CDYL: variants seen among roughly 807,000 people sequenced by gnomAD.
CDYL encodes the protein chromodomain Y like.
Under a neutral mutation model 47.3 loss-of-function variants are expected in CDYL, and 8 were observed. That is an observed-to-expected ratio of 0.17 (90% CI 0.10 to 0.31). The LOEUF is 0.31. Among genes scored for constraint, CDYL ranks in the 10% least tolerant of loss-of-function variants. The pLI is 1.00. For synonymous variants in CDYL, 266 were observed against 265.0 expected, an observed-to-expected ratio of 1.00 and a Z score of -0.04; for missense variants, 471 against 701.4, an observed-to-expected ratio of 0.67 and a Z score of 3.71.
At chr6:4,864,486 G>T (rs557430641) in intron 1 of CDYL, among the ~76,000 whole-genome samples, 67 of 152,238 alleles carry the variant, frequency 4.4e-4, no homozygotes, top group African/African-American at 1.5e-3. Flanking sequence ...AATAACTTTA[G>T]ATTTTAATAG....
Position 4,892,159 on chromosome 6 carries a change from C to G in CDYL, c.471C>G (p.Gly157=). Residue 157 remains glycine, a synonymous_variant, in exon 2 of 7, where the codon GGC becomes GGG. Coordinates refer to ENST00000397588, the MANE Select transcript of CDYL (RefSeq NM_004824.4). ...SPVKSRTAVD[G]FQSESPEKLD... is the part of the protein sequence containing the mutation. The stretch of plus-strand genomic sequence containing the variant: ...TTAAGAGCAGGACCGCAGTGGACGG[C>G]TTTCAGAGCGAGAGCCCTGAGAAAC... 1 of 1,614,242 alleles carries G rather than the reference C, an allele frequency of 6.2e-7. No individual in the cohort carries two copies. Among genetic ancestry groups the G allele is most frequent in the Non-Finnish European group, 8.5e-7 (1 of 1,180,038 alleles).
At chr6:4,749,674 A>G (rs975018615) in intron 3 of CDYL, among the ~76,000 whole-genome samples, 6 of 152,254 alleles carry the variant, frequency 3.9e-5, no homozygotes, top group Non-Finnish European at 8.8e-5. Context: ...GATCTAATTA[A>G]TAAATGAGAT....
At chr6:4,807,056 C>G (rs1476595998) in intron 1 of CDYL, among the ~76,000 whole-genome samples, 3 of 152,196 alleles carry the variant, frequency 2.0e-5, no homozygotes, top group Non-Finnish European at 2.9e-5. Flanking sequence ...GCACCGGTGT[C>G]TGTGTGTGTC....
At chr6:4,884,995 T>C (rs1287308440) in intron 1 of CDYL, among the ~76,000 whole-genome samples, 1 of 152,090 alleles carries the variant, frequency 6.6e-6, no homozygotes, top group East Asian at 1.9e-4. Context: ...AAACTATTTA[T>C]AATTTTTTTT....
intron 1 of CDYL, among the ~76,000 whole-genome samples, chr6:4,845,366 G>A (rs549411240): frequency 1.3e-5 from 2 of 152,304 alleles, no homozygotes; most frequent in South Asian, 2.1e-4. Flanking sequence ...TTTTTTGAAG[G>A]CTAAATGAGT....
At chr6:4,880,700 G>A (rs1322729479) in intron 1 of CDYL, among the ~76,000 whole-genome samples, 2 of 152,190 alleles carry the variant, frequency 1.3e-5, no homozygotes, top group African/African-American at 4.8e-5. Flanking sequence ...AGCATTTGCT[G>A]TCATGTTCTG....
At chr6:4,795,820 A>G (rs1430990076) in intron 1 of CDYL, among the ~76,000 whole-genome samples, 1 of 150,218 alleles carries the variant, frequency 6.7e-6, no homozygotes, top group Non-Finnish European at 1.5e-5. Flanking sequence ...GGTTCTTTTT[A>G]TAGCTCATTG....
chr6:4,839,270 G>GT (rs1260829477), intron 1 of CDYL, among the ~76,000 whole-genome samples: 1 of 151,980 alleles, frequency 6.6e-6, no homozygotes, highest in African/African-American at 2.4e-5. Context: ...TGATGTGATT[G>GT]TTTTTTTCTT....
intron 1 of CDYL, among the ~76,000 whole-genome samples, chr6:4,876,489 A>G (rs808635): frequency 0.21 from 32,587 of 152,064 alleles, 5,134 homozygotes; most frequent in African/African-American, 0.45. Context: ...CTTACCTTTG[A>G]TATTTTTTTC....
intron 2 of CDYL, among the ~76,000 whole-genome samples, chr6:4,892,743 A>G (rs886318354): frequency 3.9e-5 from 6 of 152,122 alleles, no homozygotes; most frequent in African/African-American, 1.2e-4. Flanking sequence ...GTTTTCTTCT[A>G]AGTGTGGCCA....
chr6:4,796,926 TC>T (rs1759088458), intron 1 of CDYL, among the ~76,000 whole-genome samples: 1 of 152,212 alleles, frequency 6.6e-6, no homozygotes, highest in African/African-American at 2.4e-5. Flanking sequence ...GAGAGATTTT[TC>T]TACATGGATT....
chr6:4,785,526 T>C (rs376939773), intron 1 of CDYL, among the ~76,000 whole-genome samples: 5 of 152,334 alleles, frequency 3.3e-5, no homozygotes, highest in African/African-American at 1.2e-4. Context: ...TTGTACCCAT[T>C]TTTCATTAGT....
At chr6:4,885,736 T>G (rs1003779636) in intron 1 of CDYL, among the ~76,000 whole-genome samples, 1 of 152,238 alleles carries the variant, frequency 6.6e-6, no homozygotes, top group Non-Finnish European at 1.5e-5. Flanking sequence ...CTTCCCCCTT[T>G]CTTTAAACTG....
At chr6:4,952,572 C>A (rs927897881) in intron 6 of CDYL, among the ~76,000 whole-genome samples, 163 bp downstream of exon 6, 1 of 152,208 alleles carries the variant, frequency 6.6e-6, no homozygotes, top group African/African-American at 2.4e-5. Context: ...ACTGCCCCCA[C>A]GCACGCCTTG....
chr6:4,924,120 T>C (rs1757799099), intron 2 of CDYL, among the ~76,000 whole-genome samples: 1 of 152,208 alleles, frequency 6.6e-6, no homozygotes, highest in African/African-American at 2.4e-5. Flanking sequence ...TAGGAAAATA[T>C]AATTAATTAT....
chr6:4,775,900 A>G (rs1012108690), upstream of CDYL, among the ~76,000 whole-genome samples: 5 of 149,846 alleles, frequency 3.3e-5, no homozygotes, highest in African/African-American at 1.2e-4. The surrounding 1 kb of genome is among the most constrained non-coding windows in gnomAD (Gnocchi z 7.0). Context: ...CGCGCGGTAG[A>G]CGGCGCGGCC....
chr6:4,716,549 C>T (rs1757267247), intron 2 of CDYL, among the ~76,000 whole-genome samples: 1 of 151,328 alleles, frequency 6.6e-6, no homozygotes, highest in African/African-American at 2.4e-5. Context: ...ATTGATAGCA[C>T]ACCCTACACT....
In CDYL at chr6:4,880,713, T is replaced by A. The variant is rs149921863; in HGVS notation, c.25-11000T>A. 9.6e-3 allele frequency among the ~76,000 whole-genome samples: 1,461 copies of A among 152,346 alleles called. 26 individuals carry two copies. The highest frequency in any genetic ancestry group is 0.034 in the African/African-American group (1,394 of 41,586). On this transcript the variant is annotated intron_variant, in intron 1 of 6. Coordinates refer to ENST00000397588, the MANE Select transcript of CDYL (RefSeq NM_004824.4). ...CCAGCATTTGCTGTCATGTTCTGGA[T>A]TTTGGACATTCCAATAGATGTGTAG...
chr6:4,927,048 C>T (rs769286708), intron 2 of CDYL, among the ~76,000 whole-genome samples: 1 of 152,294 alleles, frequency 6.6e-6, no homozygotes, highest in South Asian at 2.1e-4. Flanking sequence ...TATATAATAT[C>T]GTGTCAGGTG....
Sources: allele counts gnomAD v4.1 joint callset (sites outside exome capture counted in the v4.1 genomes callset), GRCh38; gene constraint gnomAD v4.1.1; non-coding constraint Gnocchi (gnomAD v3.1); transcripts MANE v1.5; gene names NCBI Gene and HGNC (gene_info 2026-07-23, HGNC 2026-07-21).